The following ATP6V0D2 variants were observed in gnomAD, a reference collection of about 807,000 sequenced individuals.
ATP6V0D2 encodes the protein V-type proton ATPase subunit d 2.
ATP6V0D2 carries 40 observed loss-of-function variants against 40.0 expected under a neutral mutation model. The observed-to-expected ratio is 1.00, with a 90% CI of 0.78 to 1.30. ATP6V0D2 has a LOEUF of 1.30. ATP6V0D2 is among the 50% of genes most tolerant of loss of function. The probability of loss-of-function intolerance (pLI) is 0.00; values close to 1 mark genes in which losing one functional copy is unlikely to be tolerated. For missense variants in ATP6V0D2, 470 were observed against 423.1 expected, an observed-to-expected ratio of 1.11 and a Z score of -0.97; for synonymous variants, 179 against 156.3, an observed-to-expected ratio of 1.15 and a Z score of -1.08.
Position 86,124,093 on chromosome 8 carries a change from GA to G in ATP6V0D2, c.302+10217del, listed in dbSNP as rs747468436. The stretch of plus-strand genomic sequence containing the variant: ...CCTTGTGATCCTGAGTCTCTGGTCG[GA>G]AAAGTTCTTCTGTGGTCTTATAGAT... On this transcript the variant is annotated intron_variant, in intron 2 of 7. Coordinates refer to ENST00000285393, the MANE Select transcript of ATP6V0D2 (RefSeq NM_152565.1). 7.3e-4 allele frequency among the ~76,000 whole-genome samples: 111 copies of G among 152,230 alleles called. 2 individuals carry two copies. Among genetic ancestry groups the G allele is most frequent in the South Asian group, 1.9e-3 (9 of 4,812 alleles).
intron 1 of ATP6V0D2, among the ~76,000 whole-genome samples, chr8:86,111,992 C>T (rs759252549): frequency 1.3e-5 from 2 of 152,152 alleles, no homozygotes; most frequent in South Asian, 4.1e-4. Context: ...CTTTGGGTCT[C>T]CTGTAGTTGG....
chr8:86,143,079 C>A, intron 5 of ATP6V0D2, 125 bp downstream of exon 5: 2 of 587,510 alleles, frequency 3.4e-6, no homozygotes, highest in Admixed American at 2.8e-5. Flanking sequence ...ACAAGCAGTA[C>A]ATTTTATTAT....
intron 2 of ATP6V0D2, among the ~76,000 whole-genome samples, chr8:86,137,510 C>T (rs1051190887): frequency 1.3e-5 from 2 of 152,132 alleles, no homozygotes; most frequent in Non-Finnish European, 2.9e-5. Context: ...CCTCCTGACC[C>T]GCTCGCCCAA....
rs35945978 is a variant in ATP6V0D2, at chr8:86,119,232, C to CTTTTTTTTTTTTTTTTTT, written c.302+5353_302+5370dup. Among the ~76,000 whole-genome samples, 2 of 125,966 alleles carry CTTTTTTTTTTTTTTTTTT rather than the reference C, an allele frequency of 1.6e-5. 1 individual carries two copies. Among genetic ancestry groups the CTTTTTTTTTTTTTTTTTT allele is most frequent in the African/African-American group, 5.9e-5 (2 of 33,940 alleles). The allele number at this position is 125,966 out of a possible 152,430, so 82.6% of individuals were successfully genotyped here. A position where few individuals can be genotyped will look rare whatever the true frequency, so the allele number is the denominator to read the frequency against. On this transcript the variant is annotated intron_variant, in intron 2 of 7. Coordinates refer to ENST00000285393, the MANE Select transcript of ATP6V0D2 (RefSeq NM_152565.1). Reference sequence around the variant, plus strand: ...ATTTCTTGTTTCCTAATCATAGGATCTTTTTTTTTTTTTTTTTTGAGATGG... The same window carrying CTTTTTTTTTTTTTTTTTT: ...ATTTCTTGTTTCCTAATCATAGGATCTTTTTTTTTTTTTTTTTTTTTTTTTTTTTTTTTTTTGAGATGG...
chr8:86,129,344 G>T (rs1238597046), intron 2 of ATP6V0D2, among the ~76,000 whole-genome samples: 2 of 152,164 alleles, frequency 1.3e-5, no homozygotes, highest in Non-Finnish European at 2.9e-5. Flanking sequence ...GACAGTAATT[G>T]TCTACTTCTT....
chr8:86,135,961 A>G (rs1400012535), intron 2 of ATP6V0D2, among the ~76,000 whole-genome samples: 1 of 152,142 alleles, frequency 6.6e-6, no homozygotes, highest in Non-Finnish European at 1.5e-5. Flanking sequence ...TTCTGGTTAC[A>G]TTATGTCCCT....
chr8:86,113,966 G>A lies in ATP6V0D2; in HGVS notation c.302+86G>A, dbSNP rs979856525. 9 of 1,297,998 alleles carry A rather than the reference G, an allele frequency of 6.9e-6. No homozygotes were observed. The Admixed American group carries it at 1.5e-4, about 21-fold the overall frequency. 80.4% of individuals were successfully genotyped at this position (1,297,998 alleles called of 1,614,324 possible). On this transcript the variant is annotated intron_variant, in intron 2 of 7. Coordinates refer to ENST00000285393, the MANE Select transcript of ATP6V0D2 (RefSeq NM_152565.1). ...ATTACAGGGTGGGTATCAAGCCAGA[G>A]TGAGACTTAAGACCTTTTCCATTGT... is the stretch of plus-strand genomic sequence containing the variant.
chr8:86,145,876 G>A (rs557988681), intron 5 of ATP6V0D2, among the ~76,000 whole-genome samples: 6 of 152,266 alleles, frequency 3.9e-5, no homozygotes, highest in East Asian at 1.9e-4. Flanking sequence ...CACTTACTAC[G>A]TGCTAGATGC....
chr8:86,129,820 G>GA (rs1314948846), intron 2 of ATP6V0D2, among the ~76,000 whole-genome samples: 1 of 147,908 alleles, frequency 6.8e-6, no homozygotes, highest in East Asian at 2.0e-4. Context: ...AAAAAAAAGG[G>GA]AAAAAAATTG....
rs777929522 is a variant in ATP6V0D2 at position 86,139,495 on chromosome 8, A to G, written c.341A>G (p.Asn114Ser). The change falls in exon 3 of 8, where the codon AAT becomes AGT. Residue 114 changes from asparagine to serine, a missense_variant. Transcript: ENST00000285393. Reference sequence around the variant, plus strand: ...ATAGACAATGTGATTCTGCTGATGAATGGTGCATTGCAGAAAAAATCTGTG... The same window carrying G: ...ATAGACAATGTGATTCTGCTGATGAGTGGTGCATTGCAGAAAAAATCTGTG... ...YMIDNVILLM[N>S]GALQKKSVKE... The G allele has an allele frequency of 3.7e-6, 6 of 1,613,094 alleles. No individual in the cohort carries two copies. The Admixed American group carries it at 1.0e-4, about 27-fold the overall frequency.
intron 1 of ATP6V0D2, among the ~76,000 whole-genome samples, chr8:86,113,400 C>T (rs1236010804): frequency 2.6e-5 from 4 of 152,080 alleles, no homozygotes; most frequent in African/African-American, 4.8e-5. Context: ...GAAAATTGCG[C>T]GAACCCAAGA....
At position 86,105,258 on chromosome 8, in the gene ATP6V0D2, C is replaced by A. The variant is rs78569593; in HGVS notation, c.130+6150C>A. 7.9e-4 allele frequency among the ~76,000 whole-genome samples: 121 copies of A among 152,272 alleles called. 1 individual carries two copies. The highest frequency in any genetic ancestry group is 2.9e-3 in the African/African-American group (119 of 41,540). On this transcript the variant is annotated intron_variant, in intron 1 of 7. Transcript: ENST00000285393. The stretch of plus-strand genomic sequence containing the variant: ...GAGGCTGCTGCAGTTACAGGCTTAA[C>A]TGATAAATAAATATATAGCTCTATC...
intron 2 of ATP6V0D2, among the ~76,000 whole-genome samples, chr8:86,127,960 T>C (rs1009550829): frequency 1.3e-5 from 2 of 152,182 alleles, no homozygotes; most frequent in Non-Finnish European, 2.9e-5. Context: ...CTCATGCCTG[T>C]AATCTCAGCA....
chr8:86,119,974 C>T (rs73261123), intron 2 of ATP6V0D2, among the ~76,000 whole-genome samples: 3,286 of 152,304 alleles, frequency 0.022, 114 homozygotes, highest in African/African-American at 0.075. Flanking sequence ...GATAACTCAG[C>T]AGTTTATATT....
intron 2 of ATP6V0D2, among the ~76,000 whole-genome samples, chr8:86,139,227 CAAAAA>C (rs35331724): frequency 8.3e-6 from 1 of 120,260 alleles, no homozygotes; most frequent in Non-Finnish European, 1.8e-5. Context: ...GACTTGGTCT[CAAAAA>C]AAAAAAAAAA....
chr8:86,108,130 T>C (rs1174581999), intron 1 of ATP6V0D2, among the ~76,000 whole-genome samples: 1 of 152,150 alleles, frequency 6.6e-6, no homozygotes, highest in Non-Finnish European at 1.5e-5. Context: ...TGAATCATCT[T>C]TTTTTGTTTG....
chr8:86,111,364 T>A (rs1332418930), intron 1 of ATP6V0D2, among the ~76,000 whole-genome samples: 1 of 152,050 alleles, frequency 6.6e-6, no homozygotes, highest in East Asian at 1.9e-4. Flanking sequence ...CTCCTTGCCC[T>A]TTGATGACCA....
rs866596636 is a variant in ATP6V0D2, at chr8:86,113,790, A to T, written c.212A>T (p.Asp71Val). ...HTNPLTVSKI[D>V]TEMRKRLCGE... is the part of the protein sequence containing the mutation. ...AATCCTCTTACTGTTTCCAAAATTG[A>T]CACTGAGATGAGGAAAAGACTATGT... Residue 71 changes from aspartate to valine, a missense_variant, in exon 2 of 8, where the codon GAC (aspartate) becomes GTC (valine). Physicochemically the swap from Asp to Val is radical, Grantham distance 152 (BLOSUM62 -3). Coordinates refer to ENST00000285393, the MANE Select transcript of ATP6V0D2 (RefSeq NM_152565.1). 6.2e-7 allele frequency: 1 copy of T among 1,614,040 alleles called. No homozygotes were observed. The highest frequency in any genetic ancestry group is 8.5e-7 in the Non-Finnish European group (1 of 1,179,940).
chr8:86,110,045 C>T (rs1387439114), intron 1 of ATP6V0D2, among the ~76,000 whole-genome samples: 1 of 152,180 alleles, frequency 6.6e-6, no homozygotes, highest in Non-Finnish European at 1.5e-5. Flanking sequence ...AAAATTGACA[C>T]ATAAAAATTG....
Sources: gnomAD v4.1 joint callset for allele counts (sites outside exome capture counted in the v4.1 genomes callset) on GRCh38, gnomAD v4.1.1 for gene constraint, MANE v1.5 for transcripts, NCBI Gene and HGNC (gene_info 2026-07-23, HGNC 2026-07-21) for gene names.